Variants in NEGR1 observed in about 807,000 individuals in gnomAD.
NEGR1 encodes neuronal growth regulator 1.
In NEGR1, 10 loss-of-function variants were observed where a neutral mutation model predicts 40.9. The observed-to-expected ratio is 0.24, with a 90% CI of 0.15 to 0.42. The LOEUF (loss-of-function observed/expected upper bound fraction) is 0.42. Among genes scored for constraint, NEGR1 ranks in the 10% least tolerant of loss-of-function variants. NEGR1 has a pLI of 1.00. For missense variants in NEGR1, 352 were observed against 438.9 expected, an observed-to-expected ratio of 0.80 and a Z score of 1.77; for synonymous variants, 185 against 166.8, an observed-to-expected ratio of 1.11 and a Z score of -0.84.
chr1:72,032,635 T>C (rs887715143), intron 1 of NEGR1, among the ~76,000 whole-genome samples: 5 of 152,182 alleles, frequency 3.3e-5, no homozygotes, highest in Non-Finnish European at 4.4e-5. Context: ...AAAATCTTTT[T>C]ACAGAATGTT....
chr1:71,455,004 A>G (rs1384418895), intron 6 of NEGR1, among the ~76,000 whole-genome samples: 1 of 152,092 alleles, frequency 6.6e-6, no homozygotes, highest in Non-Finnish European at 1.5e-5. Flanking sequence ...CACTTTAGGG[A>G]TGGGCACAGA....
intron 6 of NEGR1, among the ~76,000 whole-genome samples, chr1:71,590,089 A>G (rs926979754): frequency 6.6e-6 from 1 of 151,956 alleles, no homozygotes; most frequent in Admixed American, 6.6e-5. Flanking sequence ...CACCATTCCC[A>G]CACCCAGGCT....
intron 3 of NEGR1, among the ~76,000 whole-genome samples, chr1:71,719,482 T>G (rs1654425711): frequency 6.6e-6 from 1 of 152,118 alleles, no homozygotes; most frequent in African/African-American, 2.4e-5. Context: ...GATCTAGAAT[T>G]GATGGCTAAG....
chr1:71,642,340 A>G (rs1320040977), intron 4 of NEGR1, among the ~76,000 whole-genome samples: 2 of 151,990 alleles, frequency 1.3e-5, no homozygotes, highest in African/African-American at 4.8e-5. Flanking sequence ...GAAAGGAAGA[A>G]TGAATGAAGT....
At chr1:72,150,395 G>T (rs947489202) in intron 1 of NEGR1, among the ~76,000 whole-genome samples, 1 of 152,072 alleles carries the variant, frequency 6.6e-6, no homozygotes, top group African/African-American at 2.4e-5. Flanking sequence ...AGAAATTGTT[G>T]CTTCTACAAT....
chr1:72,116,437 C>A (rs1218875471), intron 1 of NEGR1, among the ~76,000 whole-genome samples: 1 of 151,672 alleles, frequency 6.6e-6, no homozygotes, highest in Non-Finnish European at 1.5e-5. Flanking sequence ...AATCTGCAAA[C>A]TTACATTTAG....
intron 1 of NEGR1, among the ~76,000 whole-genome samples, chr1:72,199,592 T>A (rs1182823866): frequency 1.3e-5 from 2 of 151,994 alleles, no homozygotes; most frequent in African/African-American, 4.8e-5. Flanking sequence ...TCTGGACCTC[T>A]TTTTGTGCAT....
chr1:71,497,173 G>T (rs938932991), intron 6 of NEGR1, among the ~76,000 whole-genome samples: 1 of 152,094 alleles, frequency 6.6e-6, no homozygotes, highest in African/African-American at 2.4e-5. Flanking sequence ...TTACATACTG[G>T]TAAGTGCTGA....
intron 1 of NEGR1, among the ~76,000 whole-genome samples, chr1:72,280,620 G>T (rs1159799322): frequency 6.6e-6 from 1 of 151,942 alleles, no homozygotes; most frequent in Non-Finnish European, 1.5e-5. Flanking sequence ...TAATATCAAA[G>T]ATATTAGTTA....
chr1:71,929,209 G>A (rs1645831199), intron 2 of NEGR1, among the ~76,000 whole-genome samples: 1 of 151,990 alleles, frequency 6.6e-6, no homozygotes, highest in Admixed American at 6.6e-5. Flanking sequence ...CCTACTCCTA[G>A]TTTTTACTGG....
At chr1:71,747,789 A>T (rs1655436521) in intron 3 of NEGR1, among the ~76,000 whole-genome samples, 1 of 151,440 alleles carries the variant, frequency 6.6e-6, no homozygotes, top group Admixed American at 6.6e-5. Context: ...TCTCATTTTT[A>T]TAATAATCTT....
intron 4 of NEGR1, among the ~76,000 whole-genome samples, chr1:71,626,230 CT>C (rs1265688126): frequency 6.6e-6 from 1 of 151,912 alleles, no homozygotes; most frequent in Admixed American, 6.6e-5. Context: ...TTTTATTACA[CT>C]TTAAGTTCTA....
intron 6 of NEGR1, among the ~76,000 whole-genome samples, chr1:71,512,206 A>C (rs1303883347): frequency 6.6e-6 from 1 of 152,186 alleles, no homozygotes; most frequent in African/African-American, 2.4e-5. Flanking sequence ...ATTCAAATGG[A>C]TCTTTTCTGA....
At chr1:71,886,871 T>A (rs1315658239) in intron 2 of NEGR1, among the ~76,000 whole-genome samples, 1 of 152,176 alleles carries the variant, frequency 6.6e-6, no homozygotes, top group Admixed American at 6.5e-5. Context: ...AGTTACTTTG[T>A]ATTGACTAGT....
intron 6 of NEGR1, among the ~76,000 whole-genome samples, chr1:71,590,154 C>A (rs1649450587): frequency 6.6e-6 from 1 of 152,068 alleles, no homozygotes; most frequent in African/African-American, 2.4e-5. Context: ...TCCCTGAGTC[C>A]TTGAGACTGA....
At chr1:71,907,115 T>C (rs996638415) in intron 2 of NEGR1, among the ~76,000 whole-genome samples, 2 of 152,160 alleles carry the variant, frequency 1.3e-5, no homozygotes, top group Admixed American at 6.6e-5. Context: ...CAAAGAGTGA[T>C]TATCAATGTT....
At chr1:71,646,283 ATTTTC>A (rs146967747) in intron 4 of NEGR1, among the ~76,000 whole-genome samples, 2,692 of 151,780 alleles carry the variant, frequency 0.018, 73 homozygotes, top group African/African-American at 0.061. Flanking sequence ...ACAGTAGTTC[ATTTTC>A]TTTTCTTTGA....
chr1:71,805,974 G>A (rs1436675821), intron 2 of NEGR1, among the ~76,000 whole-genome samples: 1 of 152,098 alleles, frequency 6.6e-6, no homozygotes, highest in East Asian at 1.9e-4. Context: ...TTAAAATTCA[G>A]TGTGTGCAAA....
intron 1 of NEGR1, among the ~76,000 whole-genome samples, chr1:72,077,407 T>C (rs1459463195): frequency 2.0e-5 from 3 of 152,080 alleles, no homozygotes; most frequent in Non-Finnish European, 4.4e-5. Context: ...TTTCTTGTCA[T>C]AAAACTTCTA....
Sources: allele counts gnomAD v4.1 joint callset (sites outside exome capture counted in the v4.1 genomes callset), GRCh38; gene constraint gnomAD v4.1.1; transcripts MANE v1.5; gene names NCBI Gene and HGNC (gene_info 2026-07-23, HGNC 2026-07-21).